HECTD2: variants seen among roughly 807,000 people sequenced by gnomAD.
The protein encoded by HECTD2 is probable E3 ubiquitin-protein ligase HECTD2.
In HECTD2, 35 loss-of-function variants were observed where a neutral mutation model predicts 103.2. The observed-to-expected ratio is 0.34, with a 90% CI of 0.26 to 0.45. HECTD2 has a LOEUF of 0.45. Ranked by LOEUF, HECTD2 falls within the 20% of genes least tolerant of loss-of-function variation. The pLI, the probability that HECTD2 is intolerant of heterozygous loss-of-function variation, is 1.00. For missense variants in HECTD2, 596 were observed against 937.4 expected, an observed-to-expected ratio of 0.64 and a Z score of 4.76; for synonymous variants, 281 against 329.9, an observed-to-expected ratio of 0.85 and a Z score of 1.61.
intron 5 of HECTD2, among the ~76,000 whole-genome samples, chr10:91,464,383 G>T (rs1589512866): frequency 6.6e-6 from 1 of 152,126 alleles, no homozygotes; most frequent in African/African-American, 2.4e-5. Context: ...ATTGCAGATG[G>T]ACCCACCCTG....
chr10:91,422,638 T>C (rs1288646397), intron 1 of HECTD2, among the ~76,000 whole-genome samples: 1 of 152,196 alleles, frequency 6.6e-6, no homozygotes, highest in Non-Finnish European at 1.5e-5. Flanking sequence ...TATTTCATTT[T>C]CCTAATCAAC....
At chr10:91,488,857 C>A (rs1330847707) in intron 11 of HECTD2, 2 of 152,030 alleles carry the variant, frequency 1.3e-5, no homozygotes, top group African/African-American at 4.8e-5. Flanking sequence ...CACACTACCC[C>A]CCTGAAGAAT....
chr10:91,428,360 G>C (rs1418586570), intron 2 of HECTD2, among the ~76,000 whole-genome samples: 1 of 150,670 alleles, frequency 6.6e-6, no homozygotes, highest in African/African-American at 2.5e-5. Flanking sequence ...GGCGATGCGG[G>C]CTCTTTTTTG....
intron 5 of HECTD2, chr10:91,462,677 A>G (rs1845397700): frequency 2.0e-6 from 2 of 992,814 alleles, no homozygotes; most frequent in Non-Finnish European, 2.4e-6. Flanking sequence ...TCACCATTCA[A>G]AAAATCCAGA....
chr10:91,498,864 C>T lies in HECTD2; in HGVS notation c.1756-8C>T. On this transcript the variant is annotated splice_polypyrimidine_tract_variant and splice_region_variant and intron_variant, in intron 16 of 20. Transcript: ENST00000298068. ...CATATTAATATGTGTAATGGCATCTCCCATCAGGTTTTTCAAGAAGAATTT... is the reference window on the plus strand; with the variant it reads ...CATATTAATATGTGTAATGGCATCTTCCATCAGGTTTTTCAAGAAGAATTT... The T allele has an allele frequency of 6.5e-7, 1 of 1,528,676 alleles. No individual in the cohort carries two copies. Among genetic ancestry groups the T allele is most frequent in the Non-Finnish European group, 9.0e-7 (1 of 1,107,832 alleles). The allele number at this position is 1,528,676 out of a possible 1,614,324, so 94.7% of individuals were successfully genotyped here. A position where few individuals can be genotyped will look rare whatever the true frequency, so the allele number is the denominator to read the frequency against.
intron 10 of HECTD2, chr10:91,486,939 G>C (rs1173830738): frequency 6.6e-6 from 1 of 152,106 alleles, no homozygotes; most frequent in East Asian, 1.9e-4. Context: ...GATTCCAGCT[G>C]TAACTGATAG....
chr10:91,422,904 T>C (rs1172763070), intron 1 of HECTD2, among the ~76,000 whole-genome samples: 1 of 152,182 alleles, frequency 6.6e-6, no homozygotes, highest in Non-Finnish European at 1.5e-5. Context: ...TTGAGACTTC[T>C]TTTATTAAGA....
chr10:91,428,906 A>C (rs1843703504), intron 2 of HECTD2, among the ~76,000 whole-genome samples: 1 of 151,916 alleles, frequency 6.6e-6, no homozygotes, highest in African/African-American at 2.4e-5. Context: ...CAGAACTTCC[A>C]ACACTATGTT....
Position 91,492,474 on chromosome 10 carries a change from T to C in HECTD2, c.1422T>C (p.His474=). 6.2e-7 allele frequency: 1 copy of C among 1,610,194 alleles called. No homozygotes were observed. Among genetic ancestry groups the C allele is most frequent in the Non-Finnish European group, 8.5e-7 (1 of 1,176,644 alleles). Residue 474 remains histidine (H), a synonymous_variant, in exon 13 of 21, where the codon CAT becomes CAC. Transcript: ENST00000298068. ...WFLLLIRQIF[H]PDYGMFTYHK... ...TTCTTCTAATTCGCCAAATTTTTCA[T>C]CCAGATTATGGTAAGTATGTAATCT...
At chr10:91,428,724 T>C (rs1266249424) in intron 2 of HECTD2, among the ~76,000 whole-genome samples, 3 of 151,980 alleles carry the variant, frequency 2.0e-5, no homozygotes, top group Non-Finnish European at 4.4e-5. Context: ...TGTACATTGA[T>C]TTTGTATCCT....
At position 91,496,438 on chromosome 10, in the gene HECTD2, CTCT is replaced by C. The variant is rs1846668092; in HGVS notation, c.1680+67_1680+69del. The C allele has an allele frequency of 5.9e-6, 6 of 1,014,404 alleles. No homozygotes were observed. In the African/African-American group the frequency reaches 1.8e-4, roughly 30 times the overall value. The allele number at this position is 1,014,404 out of a possible 1,614,324, so 62.8% of individuals were successfully genotyped here. The stretch of plus-strand genomic sequence containing the variant: ...ATCATCTTTTTTCTACCTGCACAGT[CTCT>C]CCTCCTAATGCTATTCTTACTTTTA... On this transcript the variant is annotated intron_variant, in intron 15 of 20. Transcript: ENST00000298068.
intron 20 of HECTD2, among the ~76,000 whole-genome samples, chr10:91,505,440 A>T (rs1402167421): frequency 2.6e-5 from 4 of 152,058 alleles, no homozygotes; most frequent in African/African-American, 7.2e-5. Flanking sequence ...CTACCAAGCA[A>T]ATGGAAAACA....
intron 1 of HECTD2, among the ~76,000 whole-genome samples, chr10:91,414,300 G>A (rs1450994361): frequency 6.6e-6 from 1 of 152,154 alleles, no homozygotes. Flanking sequence ...GGAAGACAAG[G>A]GGAAGAGTTT....
chr10:91,421,512 CAA>C (rs573021234), intron 1 of HECTD2, among the ~76,000 whole-genome samples: 1 of 151,902 alleles, frequency 6.6e-6, no homozygotes, highest in Non-Finnish European at 1.5e-5. Flanking sequence ...GAAAAAATCA[CAA>C]AAAAAATTTA....
intron 2 of HECTD2, among the ~76,000 whole-genome samples, chr10:91,436,309 G>T (rs974861665): frequency 2.6e-5 from 4 of 151,908 alleles, no homozygotes; most frequent in African/African-American, 4.8e-5. Flanking sequence ...AGGCGATTTG[G>T]GTAGCCTGTT....
At chr10:91,414,660 G>A (rs1014497518) in intron 1 of HECTD2, among the ~76,000 whole-genome samples, 2 of 152,182 alleles carry the variant, frequency 1.3e-5, no homozygotes, top group African/African-American at 4.8e-5. Flanking sequence ...TTGAAGTAAA[G>A]GTAATTATTT....
chr10:91,466,112 T>G (rs1845523581), intron 5 of HECTD2, among the ~76,000 whole-genome samples: 1 of 152,196 alleles, frequency 6.6e-6, no homozygotes, highest in Non-Finnish European at 1.5e-5. Context: ...GTTCCTTTAG[T>G]AGACACAGGC....
At chr10:91,470,691 G>T (rs1264044381) in intron 5 of HECTD2, among the ~76,000 whole-genome samples, 2 of 151,670 alleles carry the variant, frequency 1.3e-5, no homozygotes, top group African/African-American at 4.8e-5. Context: ...AACCAAAATC[G>T]GAGTTGAACT....
chr10:91,464,751 C>CTT (rs1181704369), intron 5 of HECTD2: 3 of 152,950 alleles, frequency 2.0e-5, no homozygotes, highest in African/African-American at 7.2e-5. Flanking sequence ...GCACCAAGGG[C>CTT]TTGGCCATGG....
Sources: allele counts gnomAD v4.1 joint callset (sites outside exome capture counted in the v4.1 genomes callset), GRCh38; gene constraint gnomAD v4.1.1; transcripts MANE v1.5; gene names NCBI Gene and HGNC (gene_info 2026-07-23, HGNC 2026-07-21).